Variants in FGG observed in about 807,000 individuals in gnomAD.
FGG encodes the protein fibrinogen gamma chain.
FGG carries 20 observed loss-of-function variants against 51.7 expected under a neutral mutation model. That is an observed-to-expected ratio of 0.39 (90% CI 0.27 to 0.56). The LOEUF is 0.56. Among genes scored for constraint, FGG ranks in the 20% least tolerant of loss-of-function variants. FGG has a pLI of 0.64. For missense variants in FGG, 460 were observed against 534.2 expected, an observed-to-expected ratio of 0.86 and a Z score of 1.37; for synonymous variants, 184 against 184.7, an observed-to-expected ratio of 1.00 and a Z score of 0.03.
intron 8 of FGG, among the ~76,000 whole-genome samples, 176 bp downstream of exon 8, chr4:154,606,529 G>A (rs1358508666): frequency 6.6e-6 from 1 of 152,118 alleles, no homozygotes; most frequent in Non-Finnish European, 1.5e-5. Flanking sequence ...CTAATTTTAG[G>A]CATGAACTTG....
Position 154,604,973 on chromosome 4 carries a change from G to A in FGG, c.1223C>T (p.Thr408Ile). 6.2e-7 allele frequency: 1 copy of A among 1,613,964 alleles called. No individual in the cohort carries two copies. Among genetic ancestry groups the A allele is most frequent in the East Asian group, 2.2e-5 (1 of 44,868 alleles). The stretch of plus-strand genomic sequence containing the variant: ...GTTGAATGGGATTATCTTCATAGTG[G>A]TTTTCTTCATGGAATACCACCGGGT... ...WKTRWYSMKKTTMKIIPFNRL... is the reference protein window; with the variant it reads ...WKTRWYSMKKITMKIIPFNRL... Residue 408 changes from threonine (T) to isoleucine (I), a missense_variant, in exon 9 of 9, where the codon ACC (threonine) becomes ATC (isoleucine). Thr to Ile is a moderately conservative substitution (Grantham distance 89). Around this residue, in one of 3 missense-constraint regions of FGG, gnomAD observed 92 missense variants for 93.7 expected, o/e 0.98. Transcript: ENST00000336098.
At chr4:154,609,152 G>T (rs1161281902) in intron 6 of FGG, among the ~76,000 whole-genome samples, 1 of 149,714 alleles carries the variant, frequency 6.7e-6, no homozygotes, top group Non-Finnish European at 1.5e-5. Context: ...CAGGTTCCTT[G>T]TCTTGGAGCA....
At position 154,604,912 on chromosome 4, in the gene FGG, C is replaced by A. The variant is rs773049609; in HGVS notation, c.1284G>T (p.Leu428=). The A allele has an allele frequency of 2.5e-6, 4 of 1,614,118 alleles. No individual in the cohort carries two copies. Among genetic ancestry groups the A allele is most frequent in the Non-Finnish European group, 3.4e-6 (4 of 1,179,972 alleles). Residue 428 remains leucine (L), a synonymous_variant, in exon 9 of 9, where the codon CTG becomes CTT. Transcript: ENST00000336098. Reference sequence around the variant, plus strand: ...CTGGTCTGACCTGTTTGGCTCCCCCCAGGTGGTGTTGCTGTCCTTCTCCAA... The same window carrying A: ...CTGGTCTGACCTGTTTGGCTCCCCCAAGGTGGTGTTGCTGTCCTTCTCCAA... ...LTIGEGQQHH[L]GGAKQVRPEH...
chr4:154,606,734 G>A lies in FGG; in HGVS notation c.1100C>T (p.Ala367Val). Residue 367 changes from alanine (A) to valine (V), a missense_variant, in exon 8 of 9, where the codon GCT becomes GTT. Ala to Val is a moderately conservative substitution (Grantham distance 64). This residue lies in a region of FGG where 15 missense variants were observed against 48.8 expected (regional missense o/e 0.31). Coordinates refer to ENST00000336098, the MANE Select transcript of FGG (RefSeq NM_021870.3). The stretch of plus-strand genomic sequence containing the variant: ...GTAATAAACTCCATTGAGATGGCCA[G>A]CGTGACACTTGTTCATCCACCAACC... ...GSGWWMNKCH[A>V]GHLNGVYYQG... 6.2e-7 allele frequency: 1 copy of A among 1,613,898 alleles called. No individual in the cohort carries two copies.
chr4:154,609,612 T>C lies in FGG; in HGVS notation c.666+18A>G, dbSNP rs753275225. 3 of 1,613,676 alleles carry C rather than the reference T, an allele frequency of 1.9e-6. No individual in the cohort carries two copies. The highest frequency in any genetic ancestry group is 2.5e-6 in the Non-Finnish European group (3 of 1,179,760). ...AATGTAGGAATTTATTAAATACACA[T>C]GGTGGGGAAAAAATTACCTTCTGAA... On this transcript the variant is annotated intron_variant, in intron 6 of 8. Transcript: ENST00000336098.
In FGG at chr4:154,605,040, G is replaced by A. The variant is rs780251516; in HGVS notation, c.1156C>T (p.Pro386Ser). Residue 386 changes from proline (P) to serine (S), a missense_variant, in exon 9 of 9, where the codon CCT becomes TCT. Pro to Ser is a moderately conservative substitution (Grantham distance 74, BLOSUM62 -1). Transcript: ENST00000336098. The stretch of plus-strand genomic sequence containing the variant: ...ATAATGCCATTATCATAACCATTAG[G>A]AGTAGATGCTTTTGAGTAAGTGCCA... ...QGGTYSKAST[P>S]NGYDNGIIWA... 6 of 1,613,888 alleles carry A rather than the reference G, an allele frequency of 3.7e-6. No individual in the cohort carries two copies. In the East Asian group the frequency reaches 1.3e-4, roughly 36 times the overall value.
intron 6 of FGG, among the ~76,000 whole-genome samples, chr4:154,609,269 T>C (rs1247439391): frequency 1.3e-5 from 2 of 152,144 alleles, no homozygotes; most frequent in African/African-American, 2.4e-5. Context: ...GGTCTTGACC[T>C]ACCTGACAAA....
In FGG at chr4:154,604,467, G is replaced by A; in HGVS notation, c.*367C>T. ...GGTAATAAACAAGGAAAATACCTGGGAATTTGAAACTCTAAAATGTTCTCC... is the reference window on the plus strand; with the variant it reads ...GGTAATAAACAAGGAAAATACCTGGAAATTTGAAACTCTAAAATGTTCTCC... On this transcript the variant is annotated 3_prime_UTR_variant, in exon 9 of 9. Transcript: ENST00000336098. The A allele has an allele frequency of 8.9e-7, 1 of 1,121,542 alleles. No homozygotes were observed. Among genetic ancestry groups the A allele is most frequent in the Non-Finnish European group, 1.2e-6 (1 of 816,324 alleles). The allele number at this position is 1,121,542 out of a possible 1,614,324, so 69.5% of individuals were successfully genotyped here. A position where few individuals can be genotyped will look rare whatever the true frequency, so the allele number is the denominator to read the frequency against.
At chr4:154,607,072 T>C in intron 7 of FGG, 90 bp from the exon 8 acceptor site, 1 of 1,469,512 alleles carries the variant, frequency 6.8e-7, no homozygotes, top group Non-Finnish European at 9.1e-7. Context: ...CTTGGAATTT[T>C]TGACTTTGTT....
At position 154,609,624 on chromosome 4, in the gene FGG, A is replaced by T. The variant is rs1483833168; in HGVS notation, c.666+6T>A. The T allele has an allele frequency of 6.2e-7, 1 of 1,613,850 alleles. No homozygotes were observed. The highest frequency in any genetic ancestry group is 1.7e-5 in the Admixed American group (1 of 59,986). On this transcript the variant is annotated splice_donor_region_variant and intron_variant, in intron 6 of 8. Coordinates refer to ENST00000336098, the MANE Select transcript of FGG (RefSeq NM_021870.3). ...TATTAAATACACATGGTGGGGAAAA[A>T]ATTACCTTCTGAAACACAGTCCATC...
chr4:154,604,333 C>T lies in FGG; in HGVS notation c.*501G>A, dbSNP rs201803385. On this transcript the variant is annotated 3_prime_UTR_variant, in exon 9 of 9. Coordinates refer to ENST00000336098, the MANE Select transcript of FGG (RefSeq NM_021870.3). Reference sequence around the variant, plus strand: ...TTAAAAAAGTAAATCTCTTTTGAAACGGTCTTTTAAACGTCTCCAGCCTGT... The same window carrying T: ...TTAAAAAAGTAAATCTCTTTTGAAATGGTCTTTTAAACGTCTCCAGCCTGT... The T allele has an allele frequency of 1.3e-4, 197 of 1,512,454 alleles. No individual in the cohort carries two copies. The highest frequency in any genetic ancestry group is 1.6e-4 in the African/African-American group (11 of 70,474). The allele number at this position is 1,512,454 out of a possible 1,614,324, so 93.7% of individuals were successfully genotyped here.
chr4:154,610,138 A>G lies in FGG; in HGVS notation c.461T>C (p.Val154Ala). ...NQKIVNLKEK[V>A]AQLEAQCQEP... ...CTGGCACTGTGCTTCAAGCTGGGCT[A>G]CCTTCTCTTTCAGGTTAACAATCTT... Residue 154 changes from valine to alanine, a missense_variant, in exon 5 of 9, where the codon GTA (valine) becomes GCA (alanine). Coordinates refer to ENST00000336098, the MANE Select transcript of FGG (RefSeq NM_021870.3). The G allele has an allele frequency of 6.2e-7, 1 of 1,611,148 alleles. No individual in the cohort carries two copies. Among genetic ancestry groups the G allele is most frequent in the Non-Finnish European group, 8.5e-7 (1 of 1,177,408 alleles).
In FGG at chr4:154,606,945, C is replaced by T; in HGVS notation, c.889G>A (p.Ala297Thr). Residue 297 changes from alanine (A) to threonine (T), a missense_variant, in exon 8 of 9, where the codon GCT becomes ACT. Transcript: ENST00000336098. ...GCATATGTTAGGCGGTACTTGTCAG[C>T]TTCAGGTCCCACCTTGAACATGGCA... The part of the protein sequence containing the change: ...DYAMFKVGPE[A>T]DKYRLTYAYF... 6.2e-7 allele frequency: 1 copy of T among 1,612,276 alleles called. No individual in the cohort carries two copies. Among genetic ancestry groups the T allele is most frequent in the Non-Finnish European group, 8.5e-7 (1 of 1,178,924 alleles).
At chr4:154,607,169 T>G (rs970073631) in intron 7 of FGG, among the ~76,000 whole-genome samples, 187 bp from the exon 8 acceptor site, 6 of 152,210 alleles carry the variant, frequency 3.9e-5, no homozygotes, top group Admixed American at 2.6e-4. Context: ...CACAGCTCAT[T>G]AACACTTCCC....
chr4:154,604,398 A>G lies in FGG; in HGVS notation c.*436T>C. 2 of 1,434,492 alleles carry G rather than the reference A, an allele frequency of 1.4e-6. No homozygotes were observed. Among genetic ancestry groups the G allele is most frequent in the South Asian group, 2.8e-5 (2 of 70,582 alleles). The allele number at this position is 1,434,492 out of a possible 1,614,324, so 88.9% of individuals were successfully genotyped here. A position where few individuals can be genotyped will look rare whatever the true frequency, so the allele number is the denominator to read the frequency against. Reference sequence around the variant, plus strand: ...ACAAAAACCATATTAAAAAGACATAATTTTCTCCATTTAAAAAGAAGAATT... The same window carrying G: ...ACAAAAACCATATTAAAAAGACATAGTTTTCTCCATTTAAAAAGAAGAATT... On this transcript the variant is annotated 3_prime_UTR_variant, in exon 9 of 9. Transcript: ENST00000336098.
Position 154,604,526 on chromosome 4 carries a change from T to C in FGG, c.*308A>G, listed in dbSNP as rs895403790. On this transcript the variant is annotated 3_prime_UTR_variant, in exon 9 of 9. Coordinates refer to ENST00000336098, the MANE Select transcript of FGG (RefSeq NM_021870.3). ...TAAGTACATACTAAAATATTTGATA[T>C]AATGAAAATAATTTACGAAGACAAA... is the stretch of plus-strand genomic sequence containing the variant. The C allele has an allele frequency of 1.1e-5, 12 of 1,100,240 alleles. No homozygotes were observed. The highest frequency in any genetic ancestry group is 3.6e-5 in the Admixed American group (1 of 27,940). 68.2% of individuals were successfully genotyped at this position (1,100,240 alleles called of 1,614,324 possible).
intron 8 of FGG, among the ~76,000 whole-genome samples, chr4:154,606,426 C>G (rs1455337927): frequency 6.6e-6 from 1 of 152,082 alleles, no homozygotes; most frequent in Non-Finnish European, 1.5e-5. Context: ...AAAGGAGATC[C>G]CACAACCCAC....
At position 154,612,371 on chromosome 4, in the gene FGG, G is replaced by A. The variant is rs760814433; in HGVS notation, c.123+20C>T. ...CCTCTCCAGTTCACACACAAAGGGA[G>A]AAACATAAAAACTACTTACGAATCT... is the stretch of plus-strand genomic sequence containing the variant. On this transcript the variant is annotated intron_variant, in intron 2 of 8. Coordinates refer to ENST00000336098, the MANE Select transcript of FGG (RefSeq NM_021870.3). 8.1e-6 allele frequency: 13 copies of A among 1,612,182 alleles called. No individual in the cohort carries two copies. In the South Asian group the frequency reaches 1.2e-4, roughly 15 times the overall value.
In FGG at chr4:154,612,403, T is replaced by C. The variant is rs762812208; in HGVS notation, c.111A>G (p.Leu37=). ...YVATRDNCCI[L]DERFGSYCPT... is the part of the protein sequence containing the mutation. ...AAAAACTACTTACGAATCTTTCATCTAAGATGCAGCAGTTGTCTCTGGTAG... is the reference window on the plus strand; with the variant it reads ...AAAAACTACTTACGAATCTTTCATCCAAGATGCAGCAGTTGTCTCTGGTAG... The change falls in exon 2 of 9, where the codon TTA becomes TTG. Residue 37 remains leucine (L), a synonymous_variant. Transcript: ENST00000336098. 1.9e-6 allele frequency: 3 copies of C among 1,613,666 alleles called. No individual in the cohort carries two copies. In the Admixed American group the frequency reaches 5.0e-5, roughly 27 times the overall value.
Sources: gnomAD v4.1 joint callset for allele counts (sites outside exome capture counted in the v4.1 genomes callset) on GRCh38, gnomAD v4.1.1 for gene constraint, gnomAD v4.1.1 regional missense constraint, MANE v1.5 for transcripts, NCBI Gene and HGNC (gene_info 2026-07-23, HGNC 2026-07-21) for gene names.